Variants in FER observed in about 807,000 individuals in gnomAD.
FER encodes the protein tyrosine-protein kinase Fer.
A neutral mutation model predicts 111.0 loss-of-function variants in FER; 63 were observed. The ratio of observed to expected loss-of-function variants is 0.57; its 90% CI spans 0.46 to 0.70. The LOEUF (loss-of-function observed/expected upper bound fraction) is 0.70, where lower values mean the gene tolerates loss of function less well. FER is among the 30% of genes least tolerant of loss of function. FER has a pLI of 0.00. For synonymous variants in FER, 327 were observed against 313.9 expected, an observed-to-expected ratio of 1.04 and a Z score of -0.44; for missense variants, 914 against 954.0, an observed-to-expected ratio of 0.96 and a Z score of 0.55.
At chr5:109,076,313 T>C (rs142200445) in intron 16 of FER, among the ~76,000 whole-genome samples, 1,822 of 152,318 alleles carry the variant, frequency 0.012, 18 homozygotes, top group Non-Finnish European at 0.02. Flanking sequence ...TATGCTTTCA[T>C]TGAAGTAAAT....
chr5:108,845,389 G>C (rs1417104129), intron 5 of FER, among the ~76,000 whole-genome samples: 1 of 151,604 alleles, frequency 6.6e-6, no homozygotes, highest in Non-Finnish European at 1.5e-5. Flanking sequence ...CACCATGTTG[G>C]TCAGGCTGGT....
chr5:109,075,972 C>G (rs1285795474), intron 16 of FER, among the ~76,000 whole-genome samples: 1 of 151,128 alleles, frequency 6.6e-6, no homozygotes, highest in Non-Finnish European at 1.5e-5. Flanking sequence ...AATGTATCTT[C>G]AGAAAAGAAA....
chr5:109,175,841 C>T (rs183887450), intron 17 of FER, among the ~76,000 whole-genome samples: 6 of 152,278 alleles, frequency 3.9e-5, no homozygotes, highest in Admixed American at 2.6e-4. Flanking sequence ...ACGCCAGGTG[C>T]GGTGGCTCAC....
intron 13 of FER, among the ~76,000 whole-genome samples, chr5:109,023,384 A>G (rs760654727): frequency 3.3e-5 from 5 of 152,188 alleles, no homozygotes; most frequent in Non-Finnish European, 7.4e-5. Context: ...AGTCTGAGGT[A>G]CTATTAGACA....
chr5:109,067,442 C>T (rs897693275), intron 16 of FER, among the ~76,000 whole-genome samples: 3 of 152,038 alleles, frequency 2.0e-5, no homozygotes, highest in African/African-American at 7.2e-5. Flanking sequence ...TTTTATCCTT[C>T]CAGAGCTTTT....
At chr5:109,158,662 A>G (rs979740387) in intron 17 of FER, among the ~76,000 whole-genome samples, 12 of 152,140 alleles carry the variant, frequency 7.9e-5, no homozygotes, top group South Asian at 2.1e-4. Flanking sequence ...GATAGCTAGC[A>G]TTCGAGACTC....
At chr5:108,960,304 G>A (rs945004221) in intron 13 of FER, among the ~76,000 whole-genome samples, 1 of 151,932 alleles carries the variant, frequency 6.6e-6, no homozygotes, top group African/African-American at 2.4e-5. Flanking sequence ...TACTTTTATT[G>A]TACTACTGAG....
At chr5:108,999,616 T>C (rs1764451852) in intron 13 of FER, among the ~76,000 whole-genome samples, 1 of 152,052 alleles carries the variant, frequency 6.6e-6, no homozygotes, top group Non-Finnish European at 1.5e-5. Context: ...TAGATGTTGC[T>C]AAGGTGCTTC....
intron 16 of FER, among the ~76,000 whole-genome samples, chr5:109,064,382 A>G (rs1392168293): frequency 1.3e-5 from 2 of 152,150 alleles, no homozygotes; most frequent in Non-Finnish European, 2.9e-5. Context: ...GAGCTAAATG[A>G]TAAAGACATT....
At chr5:108,934,609 A>G (rs916469873) in intron 10 of FER, among the ~76,000 whole-genome samples, 3 of 152,194 alleles carry the variant, frequency 2.0e-5, no homozygotes, top group East Asian at 3.8e-4. Flanking sequence ...TTCAAACCAC[A>G]TGTGCTAATT....
intron 10 of FER, among the ~76,000 whole-genome samples, chr5:108,922,830 T>C (rs1753205899): frequency 1.3e-5 from 2 of 152,306 alleles, no homozygotes; most frequent in South Asian, 4.1e-4. Context: ...AATAAATTGT[T>C]AATGTATCTT....
chr5:109,082,205 A>G (rs1363006923), intron 16 of FER, among the ~76,000 whole-genome samples: 1 of 151,792 alleles, frequency 6.6e-6, no homozygotes, highest in Non-Finnish European at 1.5e-5. Flanking sequence ...AGGACTCCCT[A>G]CTCTTGCCCA....
intron 3 of FER, among the ~76,000 whole-genome samples, chr5:108,810,003 C>T: frequency 6.6e-6 from 1 of 152,208 alleles, no homozygotes; most frequent in East Asian, 1.9e-4. Flanking sequence ...GGTTCCTTCT[C>T]ATCTAGAGGT....
At chr5:108,873,421 A>C (rs1764794898) in intron 8 of FER, among the ~76,000 whole-genome samples, 1 of 152,192 alleles carries the variant, frequency 6.6e-6, no homozygotes, top group Admixed American at 6.5e-5. Flanking sequence ...CTGGGATTAC[A>C]GGCGTGAGCC....
intron 17 of FER, among the ~76,000 whole-genome samples, chr5:109,148,061 A>G (rs1389691532): frequency 6.6e-6 from 1 of 151,954 alleles, no homozygotes; most frequent in Non-Finnish European, 1.5e-5. Flanking sequence ...ATATATATAG[A>G]TGGTTAAGTA....
chr5:108,993,586 A>C (rs1315633416), intron 13 of FER, among the ~76,000 whole-genome samples: 3 of 134,300 alleles, frequency 2.2e-5, no homozygotes, highest in African/African-American at 5.8e-5. Flanking sequence ...AGGGAGAGGG[A>C]GAGGGAGAGG....
intron 16 of FER, among the ~76,000 whole-genome samples, chr5:109,078,508 G>T (rs1342831056): frequency 6.6e-6 from 1 of 152,116 alleles, no homozygotes; most frequent in Non-Finnish European, 1.5e-5. Flanking sequence ...AATTGAGCCA[G>T]CTGTACTAAT....
chr5:108,921,189 C>T (rs1039597260), intron 10 of FER, among the ~76,000 whole-genome samples: 1 of 152,114 alleles, frequency 6.6e-6, no homozygotes, highest in Non-Finnish European at 1.5e-5. Flanking sequence ...AAAGCACTTA[C>T]TTTAGTATCT....
At chr5:109,013,047 AT>A (rs1766508880) in intron 13 of FER, among the ~76,000 whole-genome samples, 1 of 149,414 alleles carries the variant, frequency 6.7e-6, no homozygotes. Flanking sequence ...TAGTGTTATC[AT>A]TGCTTTTGCT....
Sources: allele counts gnomAD v4.1 joint callset (sites outside exome capture counted in the v4.1 genomes callset), GRCh38; gene constraint gnomAD v4.1.1; transcripts MANE v1.5; gene names NCBI Gene and HGNC (gene_info 2026-07-23, HGNC 2026-07-21).